CAMKMT: variants seen among roughly 807,000 people sequenced by gnomAD.
CAMKMT encodes the protein CaM KMT.
In CAMKMT, 53 loss-of-function variants were observed where a neutral mutation model predicts 48.0. That is an observed-to-expected ratio of 1.10 (90% CI 0.89 to 1.39). CAMKMT has a LOEUF of 1.39. CAMKMT is among the 40% of genes most tolerant of loss of function. CAMKMT has a pLI of 0.00. For synonymous variants in CAMKMT, 165 were observed against 152.3 expected (o/e 1.08, Z -0.61); for missense variants, 428 against 402.7 (o/e 1.06, Z -0.54).
rs549350728 is a variant in CAMKMT at position 44,372,362 on chromosome 2, T to G, written c.139-354T>G. 2.4e-3 allele frequency among the ~76,000 whole-genome samples: 362 copies of G among 152,014 alleles called. 1 individual carries two copies. The highest frequency in any genetic ancestry group is 0.014 in the Middle Eastern group (4 of 294). ...TAACCAGACGTGGTGGTGCATACTT[T>G]TAGTTCCAGCTGCTAGGGAGCCTGA... On this transcript the variant is annotated intron_variant, in intron 1 of 10. Transcript: ENST00000378494.
At chr2:44,538,638 G>A (rs1230177695) in intron 3 of CAMKMT, among the ~76,000 whole-genome samples, 1 of 151,938 alleles carries the variant, frequency 6.6e-6, no homozygotes, top group African/African-American at 2.4e-5. Flanking sequence ...TTGGGGTGGG[G>A]GTGATAGATA....
chr2:44,698,609 T>G (rs1480763577), intron 3 of CAMKMT, among the ~76,000 whole-genome samples: 1 of 152,210 alleles, frequency 6.6e-6, no homozygotes, highest in East Asian at 1.9e-4. Context: ...GAGCTTTCTG[T>G]GAGTTGTCAT....
At chr2:44,410,607 T>C (rs1683138848) in intron 3 of CAMKMT, among the ~76,000 whole-genome samples, 1 of 152,128 alleles carries the variant, frequency 6.6e-6, no homozygotes, top group African/African-American at 2.4e-5. Flanking sequence ...ACATAGACTC[T>C]GATGACTGTC....
At chr2:44,455,467 T>C (rs1667514293) in intron 3 of CAMKMT, among the ~76,000 whole-genome samples, 1 of 152,166 alleles carries the variant, frequency 6.6e-6, no homozygotes, top group Non-Finnish European at 1.5e-5. Flanking sequence ...TTGAAAGATA[T>C]TGAGAAGGTT....
At chr2:44,482,249 A>G (rs947261978) in intron 3 of CAMKMT, among the ~76,000 whole-genome samples, 10 of 152,190 alleles carry the variant, frequency 6.6e-5, no homozygotes, top group African/African-American at 2.4e-4. Context: ...TTTTTCACTA[A>G]TTGAATTTTT....
intron 3 of CAMKMT, among the ~76,000 whole-genome samples, chr2:44,531,874 C>T (rs1666502462): frequency 6.6e-6 from 1 of 152,082 alleles, no homozygotes; most frequent in African/African-American, 2.4e-5. Flanking sequence ...TGTCTTATCA[C>T]AGTTTTAAAG....
intron 3 of CAMKMT, among the ~76,000 whole-genome samples, chr2:44,691,050 A>C (rs1335396411): frequency 6.6e-6 from 1 of 152,204 alleles, no homozygotes; most frequent in Non-Finnish European, 1.5e-5. Flanking sequence ...ATTCTGATTA[A>C]TCCCCAGTCT....
intron 2 of CAMKMT, among the ~76,000 whole-genome samples, chr2:44,387,261 A>G (rs774404350): frequency 6.6e-6 from 1 of 152,160 alleles, no homozygotes; most frequent in Non-Finnish European, 1.5e-5. Flanking sequence ...TTTTACCATT[A>G]TGTAATGTCC....
At chr2:44,695,432 C>G (rs1676885553) in intron 3 of CAMKMT, among the ~76,000 whole-genome samples, 1 of 152,166 alleles carries the variant, frequency 6.6e-6, no homozygotes, top group South Asian at 2.1e-4. Flanking sequence ...CACTATTCTT[C>G]CAGAATGAGT....
intron 3 of CAMKMT, among the ~76,000 whole-genome samples, chr2:44,532,958 A>G (rs918474095): frequency 1.3e-5 from 2 of 149,684 alleles, no homozygotes; most frequent in Admixed American, 6.7e-5. Context: ...GATTACAGGC[A>G]TGCACCACCA....
At chr2:44,413,160 G>C (rs987569058) in intron 3 of CAMKMT, among the ~76,000 whole-genome samples, 1 of 151,874 alleles carries the variant, frequency 6.6e-6, no homozygotes, top group Non-Finnish European at 1.5e-5. Context: ...AGTTCTCTGG[G>C]GGCTGATTAC....
intron 9 of CAMKMT, among the ~76,000 whole-genome samples, chr2:44,760,259 C>T (rs983397669): frequency 6.6e-6 from 1 of 151,982 alleles, no homozygotes; most frequent in Non-Finnish European, 1.5e-5. Flanking sequence ...AAGAAGGGCA[C>T]TTTGAGTGTG....
intron 3 of CAMKMT, among the ~76,000 whole-genome samples, chr2:44,413,090 A>G (rs1683320226): frequency 6.6e-6 from 1 of 151,976 alleles, no homozygotes; most frequent in Non-Finnish European, 1.5e-5. Context: ...AAAATAAAAT[A>G]AAATAAATTA....
chr2:44,464,397 G>C (rs1668004838), intron 3 of CAMKMT, among the ~76,000 whole-genome samples: 2 of 152,194 alleles, frequency 1.3e-5, no homozygotes, highest in Non-Finnish European at 2.9e-5. Flanking sequence ...AGAAGGAGAA[G>C]AGAGAATAGG....
chr2:44,449,087 A>G (rs1067402), intron 3 of CAMKMT, among the ~76,000 whole-genome samples: 121,674 of 152,120 alleles, frequency 0.8, 49,140 homozygotes, highest in African/African-American at 0.91. Flanking sequence ...AAAAACTATT[A>G]AGTTGTACCA....
At position 44,772,480 on chromosome 2, in the gene CAMKMT, T is replaced by G. The variant is rs1474190145; in HGVS notation, c.*367T>G. 5.8e-6 allele frequency: 1 copy of G among 173,468 alleles called. No homozygotes were observed. The highest frequency in any genetic ancestry group is 1.2e-5 in the Non-Finnish European group (1 of 83,040). The allele number at this position is 173,468 out of a possible 1,614,324, so 10.7% of individuals were successfully genotyped here. A position where few individuals can be genotyped will look rare whatever the true frequency, so the allele number is the denominator to read the frequency against. The stretch of plus-strand genomic sequence containing the variant: ...CCCTCCTTCATTTTTTTTTTTTTTT[T>G]GGTCTTTGTTCTGTTTTGGTGGTGG... On this transcript the variant is annotated 3_prime_UTR_variant, in exon 11 of 11. Coordinates refer to ENST00000378494, the MANE Select transcript of CAMKMT (RefSeq NM_024766.5).
chr2:44,532,810 C>T (rs1459886523), intron 3 of CAMKMT, among the ~76,000 whole-genome samples: 1 of 148,368 alleles, frequency 6.7e-6, no homozygotes, highest in African/African-American at 2.5e-5. Context: ...AACTGTATGC[C>T]ATTAAAGTTT....
At chr2:44,513,030 T>G (rs1354772240) in intron 3 of CAMKMT, among the ~76,000 whole-genome samples, 1 of 152,218 alleles carries the variant, frequency 6.6e-6, no homozygotes, top group Non-Finnish European at 1.5e-5. Flanking sequence ...TTAAAAAACA[T>G]TCTGATGAGA....
intron 3 of CAMKMT, among the ~76,000 whole-genome samples, chr2:44,418,724 A>G (rs1683733865): frequency 6.6e-6 from 1 of 152,158 alleles, no homozygotes; most frequent in South Asian, 2.1e-4. Context: ...TGTCCATTCT[A>G]GGTTCTTGCA....
Sources: gnomAD v4.1 joint callset for allele counts (sites outside exome capture counted in the v4.1 genomes callset) on GRCh38, gnomAD v4.1.1 for gene constraint, MANE v1.5 for transcripts, NCBI Gene and HGNC (gene_info 2026-07-23, HGNC 2026-07-21) for gene names.